The following LONP2 variants were observed in gnomAD, a reference collection of about 807,000 sequenced individuals.
LONP2 encodes lon peptidase 2, peroxisomal.
LONP2 carries 60 observed loss-of-function variants against 85.6 expected under a neutral mutation model. The observed-to-expected ratio is 0.70, with a 90% CI of 0.57 to 0.87. LONP2 has a LOEUF of 0.87. Ranked by LOEUF, LONP2 falls within the 40% of genes least tolerant of loss-of-function variation. LONP2 has a pLI of 0.00. For missense variants in LONP2, 860 were observed against 1,063.5 expected (o/e 0.81, Z 2.66); for synonymous variants, 395 against 389.7 (o/e 1.01, Z -0.16).
intron 8 of LONP2, among the ~76,000 whole-genome samples, chr16:48,288,756 T>G (rs1022048088): frequency 2.6e-5 from 4 of 151,954 alleles, no homozygotes; most frequent in African/African-American, 9.7e-5. Flanking sequence ...TTAATTACCT[T>G]CTTAAACACC....
intron 8 of LONP2, among the ~76,000 whole-genome samples, chr16:48,284,458 G>T (rs1322342672): frequency 6.6e-6 from 1 of 152,112 alleles, no homozygotes. Context: ...AATCGCCACA[G>T]CCACCCTAAC....
At position 48,334,208 on chromosome 16, in the gene LONP2, T is replaced by C. The variant is rs767231481; in HGVS notation, c.1796-8T>C. 3 of 1,609,858 alleles carry C rather than the reference T, an allele frequency of 1.9e-6. No individual in the cohort carries two copies. Among genetic ancestry groups the C allele is most frequent in the Non-Finnish European group, 2.5e-6 (3 of 1,178,364 alleles). On this transcript the variant is annotated splice_region_variant and splice_polypyrimidine_tract_variant and intron_variant, in intron 11 of 14. Coordinates refer to ENST00000285737, the MANE Select transcript of LONP2 (RefSeq NM_031490.5). ...TAGAACTTCTAAATACATTTTTTTT[T>C]CTTTTAGGTTGCAGAGAACACATCT...
Position 48,327,497 on chromosome 16 carries a change from G to A in LONP2, c.1796-6719G>A, listed in dbSNP as rs1286911820. Among the ~76,000 whole-genome samples, 9 of 151,932 alleles carry A rather than the reference G, an allele frequency of 5.9e-5. No homozygotes were observed. In the South Asian group the frequency reaches 8.3e-4, roughly 14 times the overall value. On this transcript the variant is annotated intron_variant, in intron 11 of 14. Transcript: ENST00000285737. ...TTTTGGGATGGAATCTCACGTTGTC[G>A]CCCAGGTTGGAGTGCAGTGGCATGA...
chr16:48,322,844 C>T (rs775959181), intron 11 of LONP2, among the ~76,000 whole-genome samples: 2 of 152,208 alleles, frequency 1.3e-5, no homozygotes, highest in African/African-American at 4.8e-5. Context: ...ATTTATACAG[C>T]TGGCAGCACA....
At chr16:48,302,979 T>C (rs771210126) in intron 10 of LONP2, among the ~76,000 whole-genome samples, 193 bp from the exon 11 acceptor site, 7 of 152,306 alleles carry the variant, frequency 4.6e-5, no homozygotes, top group Non-Finnish European at 8.8e-5. Context: ...AGGAAATTGT[T>C]GTAGCTGAAA....
At chr16:48,341,773 AG>A (rs1330588589) in intron 12 of LONP2, among the ~76,000 whole-genome samples, 5 of 152,230 alleles carry the variant, frequency 3.3e-5, no homozygotes, top group Admixed American at 2.0e-4. Context: ...ATAAAAATAA[AG>A]GTTACTACAA....
At chr16:48,330,315 G>A (rs1226844091) in intron 11 of LONP2, among the ~76,000 whole-genome samples, 1 of 152,176 alleles carries the variant, frequency 6.6e-6, no homozygotes, top group African/African-American at 2.4e-5. Flanking sequence ...TTGGGGTCAG[G>A]GTCCCTGATA....
chr16:48,273,233 T>G (rs557650307), intron 7 of LONP2, among the ~76,000 whole-genome samples: 13 of 152,302 alleles, frequency 8.5e-5, no homozygotes, highest in African/African-American at 3.1e-4. Context: ...CCACTCACTC[T>G]CCCTGTTTTC....
rs534341048 is a variant in LONP2, at chr16:48,331,043, CA to C, written c.1796-3172del. Among the ~76,000 whole-genome samples the C allele has an allele frequency of 4.8e-3, 730 of 152,302 alleles. 10 individuals are homozygous for C. The highest frequency in any genetic ancestry group is 0.017 in the African/African-American group (713 of 41,578). ...GTGATCGTGAAATACAAGCTGGCAA[CA>C]GTAATTAGATCTCAGAAAAGCTTGT... is the stretch of plus-strand genomic sequence containing the variant. On this transcript the variant is annotated intron_variant, in intron 11 of 14. Coordinates refer to ENST00000285737, the MANE Select transcript of LONP2 (RefSeq NM_031490.5).
downstream of LONP2, chr16:48,361,401 A>C: frequency 1.7e-6 from 1 of 581,120 alleles, no homozygotes; most frequent in Non-Finnish European, 3.0e-6. Flanking sequence ...CTTATTTTTA[A>C]ATATATTAGT....
intron 11 of LONP2, among the ~76,000 whole-genome samples, chr16:48,318,383 G>A (rs1463799820): frequency 6.6e-6 from 1 of 152,068 alleles, no homozygotes; most frequent in Non-Finnish European, 1.5e-5. Context: ...GCTGGGCGTG[G>A]TGGCACACAC....
chr16:48,312,620 T>C (rs1973057328), intron 11 of LONP2, among the ~76,000 whole-genome samples: 1 of 152,184 alleles, frequency 6.6e-6, no homozygotes, highest in South Asian at 2.1e-4. Flanking sequence ...AGTAGTAATG[T>C]ACGGGGTGGG....
intron 14 of LONP2, among the ~76,000 whole-genome samples, 200 bp from the exon 15 acceptor site, chr16:48,351,381 A>G (rs920304709): frequency 2.6e-5 from 4 of 152,200 alleles, no homozygotes; most frequent in African/African-American, 9.7e-5. Flanking sequence ...AGTCTTTAAT[A>G]TAACACCAAT....
intron 7 of LONP2, among the ~76,000 whole-genome samples, chr16:48,274,942 G>A (rs928991261): frequency 6.6e-6 from 1 of 152,112 alleles, no homozygotes; most frequent in Non-Finnish European, 1.5e-5. Flanking sequence ...TAATTGAATA[G>A]GTAGGAAGAG....
chr16:48,299,882 T>C (rs1310152277), intron 10 of LONP2, 94 bp downstream of exon 10: 1 of 1,316,380 alleles, frequency 7.6e-7, no homozygotes, highest in Non-Finnish European at 1.0e-6. Flanking sequence ...ATATTTGAGT[T>C]TTTCATCTTT....
In LONP2 at chr16:48,293,389, C is replaced by T. The variant is rs1480676150; in HGVS notation, c.1384-2626C>T. On this transcript the variant is annotated intron_variant, in intron 8 of 14. Transcript: ENST00000285737. ...CTTGCAGTGAGCCGAGATCGCGCCA[C>T]TGCACTCTAGCCTGGGCGAAAGAAC... Among the ~76,000 whole-genome samples the T allele has an allele frequency of 3.9e-5, 6 of 152,022 alleles. 1 individual carries two copies. The highest frequency in any genetic ancestry group is 1.4e-4 in the African/African-American group (6 of 41,442).
intron 9 of LONP2, among the ~76,000 whole-genome samples, chr16:48,298,903 T>TA (rs1358610121): frequency 6.9e-6 from 1 of 144,342 alleles, no homozygotes; most frequent in Non-Finnish European, 1.5e-5. Context: ...TTTCTTTTTC[T>TA]TTTTTTTTTT....
chr16:48,341,889 C>T (rs554973123), intron 12 of LONP2, among the ~76,000 whole-genome samples: 5 of 152,290 alleles, frequency 3.3e-5, no homozygotes, highest in South Asian at 2.1e-4. Flanking sequence ...GCCCCGAATC[C>T]GAGGAGGGGC....
chr16:48,265,843 A>G (rs1202440786), intron 6 of LONP2, among the ~76,000 whole-genome samples: 1 of 152,194 alleles, frequency 6.6e-6, no homozygotes, highest in African/African-American at 2.4e-5. Context: ...CTTCTAGTCT[A>G]CGAACATGTA....
Sources: allele counts gnomAD v4.1 joint callset (sites outside exome capture counted in the v4.1 genomes callset), GRCh38; gene constraint gnomAD v4.1.1; transcripts MANE v1.5; gene names NCBI Gene and HGNC (gene_info 2026-07-23, HGNC 2026-07-21).